FAT1: variants seen among roughly 807,000 people sequenced by gnomAD.
The protein encoded by FAT1 is protocadherin Fat 1.
FAT1 carries 171 observed loss-of-function variants against 329.8 expected under a neutral mutation model. That is an observed-to-expected ratio of 0.52 (90% CI 0.46 to 0.59). The LOEUF (loss-of-function observed/expected upper bound fraction) is 0.59, where lower values mean the gene tolerates loss of function less well. Among genes scored for constraint, FAT1 ranks in the 20% least tolerant of loss-of-function variants. The probability of loss-of-function intolerance (pLI) is 0.00; values close to 1 mark genes in which losing one functional copy is unlikely to be tolerated. For missense variants in FAT1, 5,672 were observed against 5,774.4 expected (o/e 0.98, Z 0.57); for synonymous variants, 2,233 against 2,228.6 (o/e 1.00, Z -0.06).
At chr4:186,642,776 G>A (rs1361042680) in intron 3 of FAT1, among the ~76,000 whole-genome samples, 1 of 152,210 alleles carries the variant, frequency 6.6e-6, no homozygotes, top group African/African-American at 2.4e-5. Context: ...CACACCCACA[G>A]AAGTGAGCAT....
At position 186,618,777 on chromosome 4, in the gene FAT1, C is replaced by G. The variant is rs2126498820; in HGVS notation, c.7809G>C (p.Val2603=). 1.2e-6 allele frequency: 2 copies of G among 1,613,994 alleles called. No homozygotes were observed. Among genetic ancestry groups the G allele is most frequent in the Non-Finnish European group, 1.7e-6 (2 of 1,179,882 alleles). The change falls in exon 10 of 27, where the codon GTG becomes GTC. Residue 2603 remains valine, a synonymous_variant. Transcript: ENST00000441802. ...CTTTAGCAGCACTGGACCCGATATT[C>G]ACTTCGTATTTGGTTGCTCGAAATT... is the stretch of plus-strand genomic sequence containing the variant. The part of the protein sequence containing the change: ...APQFRATKYE[V]NIGSSAAKGT...
At position 186,701,801 on chromosome 4, in the gene FAT1, T is replaced by C. The variant is rs141878058; in HGVS notation, c.3265+4762A>G. 9.7e-3 allele frequency among the ~76,000 whole-genome samples: 1,473 copies of C among 152,368 alleles called. 29 individuals carry two copies. The highest frequency in any genetic ancestry group is 0.045 in the Admixed American group (689 of 15,298). On this transcript the variant is annotated intron_variant, in intron 2 of 26. Transcript: ENST00000441802. ...CTAACTTGAATGAATAATAAATAGC[T>C]GAAACATTCAGAGTTCTGCAGAACC...
At chr4:186,658,603 C>T (rs1742024162) in intron 3 of FAT1, among the ~76,000 whole-genome samples, 1 of 152,120 alleles carries the variant, frequency 6.6e-6, no homozygotes, top group African/African-American at 2.4e-5. Flanking sequence ...TCTCTTTAAC[C>T]CTTATTCTGG....
chr4:186,641,733 A>G (rs10007521), intron 3 of FAT1, among the ~76,000 whole-genome samples: 82,124 of 152,088 alleles, frequency 0.54, 22,327 homozygotes, highest in East Asian at 0.64. Flanking sequence ...AAGGCTGGGC[A>G]TGGTGGCTCA....
rs2126507837 is a variant in FAT1 at position 186,619,660 on chromosome 4, T to G, written c.6926A>C (p.Asp2309Ala). The G allele has an allele frequency of 1.2e-6, 2 of 1,613,996 alleles. No individual in the cohort carries two copies. Among genetic ancestry groups the G allele is most frequent in the Non-Finnish European group, 1.7e-6 (2 of 1,179,896 alleles). ...GTSVVQVRAT[D>A]SDSEPNRGIS... ...TCCTCTATTTGGTTCTGAATCAGAA[T>G]CGGTGGCTCTAACTTGAACAACAGA... Residue 2309 changes from aspartate to alanine, a missense_variant, in exon 10 of 27, where the codon GAT becomes GCT. Around this residue, in one of 2 missense-constraint regions of FAT1, gnomAD observed 3,966 missense variants for 3,915.2 expected, o/e 1.01. Transcript: ENST00000441802.
intron 3 of FAT1, among the ~76,000 whole-genome samples, chr4:186,644,278 C>A (rs1741250650): frequency 6.6e-6 from 1 of 152,042 alleles, no homozygotes; most frequent in South Asian, 2.1e-4. Flanking sequence ...TTAATAGATC[C>A]AAAAAAGCAA....
intron 3 of FAT1, among the ~76,000 whole-genome samples, chr4:186,645,422 T>TATATCTAA (rs1420963668): frequency 1.7e-5 from 1 of 58,000 alleles, no homozygotes; most frequent in African/African-American, 7.4e-5. Context: ...TATATATATA[T>TATATCTAA]GCCTGTAAAA....
intron 2 of FAT1, among the ~76,000 whole-genome samples, chr4:186,678,524 C>G (rs1743052766): frequency 6.7e-6 from 1 of 148,320 alleles, no homozygotes; most frequent in Non-Finnish European, 1.5e-5. Flanking sequence ...TCTATTATCA[C>G]TTTATTTTAT....
chr4:186,596,932 C>T lies in FAT1; in HGVS notation c.12608G>A (p.Arg4203His), dbSNP rs200185840. The stretch of plus-strand genomic sequence containing the variant: ...CTTCTTTTTCCGACTAATCATCTTA[C>T]GGCAGAGAACAAACACCACCACCAG... Reference protein sequence around the residue: ...FLLVVVFVLCRKMISRKKKHQ... With the variant: ...FLLVVVFVLCHKMISRKKKHQ... The change falls in exon 25 of 27, where the codon CGT becomes CAT. Residue 4203 changes from arginine (R) to histidine (H), a missense_variant. Physicochemically the swap from Arg to His is conservative, Grantham distance 29. Transcript: ENST00000441802. The surrounding 1 kb of genome is among the most constrained non-coding windows in gnomAD (Gnocchi z 4.7). The T allele has an allele frequency of 8.1e-6, 13 of 1,613,850 alleles. No individual in the cohort carries two copies. The highest frequency in any genetic ancestry group is 1.1e-5 in the Non-Finnish European group (13 of 1,179,908).
intron 26 of FAT1, among the ~76,000 whole-genome samples, chr4:186,595,193 T>C (rs1738439981): frequency 6.6e-6 from 1 of 152,098 alleles, no homozygotes; most frequent in Non-Finnish European, 1.5e-5. Flanking sequence ...AAATGGGAGC[T>C]GGGGCCGCAG....
intron 7 of FAT1, among the ~76,000 whole-genome samples, chr4:186,630,738 C>G (rs536675395): frequency 6.6e-6 from 1 of 152,250 alleles, no homozygotes; most frequent in African/African-American, 2.4e-5. Context: ...TAGATGAGAA[C>G]ATGGACACAC....
chr4:186,604,958 C>T (rs1175478950), intron 17 of FAT1, among the ~76,000 whole-genome samples: 4 of 151,874 alleles, frequency 2.6e-5, no homozygotes, highest in African/African-American at 9.7e-5. Flanking sequence ...GTGGCTCACG[C>T]CTGTCATCCC....
At chr4:186,647,182 C>T (rs1741423249) in intron 3 of FAT1, among the ~76,000 whole-genome samples, 1 of 152,166 alleles carries the variant, frequency 6.6e-6, no homozygotes, top group Non-Finnish European at 1.5e-5. Context: ...ACAACTACCA[C>T]ATGTAAAAGG....
At chr4:186,608,066 T>C (rs920916613) in intron 16 of FAT1, among the ~76,000 whole-genome samples, 1 of 152,180 alleles carries the variant, frequency 6.6e-6, no homozygotes, top group Non-Finnish European at 1.5e-5. Context: ...TTATACCTCA[T>C]AACTTTTCTT....
rs763304430 is a variant in FAT1, at chr4:186,636,011, G to C, written c.4183+14C>G. 1.1e-5 allele frequency: 17 copies of C among 1,612,638 alleles called. No individual in the cohort carries two copies. The highest frequency in any genetic ancestry group is 1.4e-5 in the Non-Finnish European group (17 of 1,178,972). ...TAACCCATACGGACAACGAAAATGA[G>C]GGGGAATGCTTACCAGTGATGTCAA... is the stretch of plus-strand genomic sequence containing the variant. On this transcript the variant is annotated intron_variant, in intron 6 of 26. Transcript: ENST00000441802.
intron 3 of FAT1, among the ~76,000 whole-genome samples, chr4:186,643,135 C>T (rs867205538): frequency 1.6e-4 from 25 of 152,300 alleles, no homozygotes; most frequent in Middle Eastern, 3.4e-3. Context: ...ACTTCAGTTT[C>T]TCAATCACAC....
chr4:186,609,845 T>C lies in FAT1; in HGVS notation c.10024A>G (p.Thr3342Ala), dbSNP rs370446765. 3.7e-6 allele frequency: 6 copies of C among 1,613,774 alleles called. No individual in the cohort carries two copies. The African/African-American group carries it at 4.0e-5, about 11-fold the overall frequency. Reference sequence around the variant, plus strand: ...AGAACGGCATCTTCACTGATGACTGTCGTGTAGGTGTCTTGGCTGAACACA... The same window carrying C: ...AGAACGGCATCTTCACTGATGACTGCCGTGTAGGTGTCTTGGCTGAACACA... ...TPVFSQDTYT[T>A]VISEDAVLEQ... is the part of the protein sequence containing the mutation. The change falls in exon 15 of 27, where the codon ACA becomes GCA. Residue 3342 changes from threonine (T) to alanine (A), a missense_variant. Physicochemically the swap from Thr to Ala is moderately conservative, Grantham distance 58. This residue lies in a region of FAT1 where 1,706 missense variants were observed against 1,859.1 expected (regional missense o/e 0.92). Coordinates refer to ENST00000441802, the MANE Select transcript of FAT1 (RefSeq NM_005245.4).
At chr4:186,694,132 C>T (rs2126664519) in intron 2 of FAT1, among the ~76,000 whole-genome samples, 1 of 152,262 alleles carries the variant, frequency 6.6e-6, no homozygotes, top group African/African-American at 2.4e-5. Flanking sequence ...CCAGACTCAA[C>T]CTGCCTCTCA....
At chr4:186,674,214 G>A (rs1416028706) in intron 2 of FAT1, among the ~76,000 whole-genome samples, 2 of 152,136 alleles carry the variant, frequency 1.3e-5, no homozygotes, top group African/African-American at 2.4e-5. Context: ...AGAAGCAGAG[G>A]CTTAAGGCTC....
Sources: allele counts gnomAD v4.1 joint callset (sites outside exome capture counted in the v4.1 genomes callset), GRCh38; gene constraint gnomAD v4.1.1; regional missense constraint gnomAD v4.1.1; non-coding constraint Gnocchi (gnomAD v3.1); transcripts MANE v1.5; gene names NCBI Gene and HGNC (gene_info 2026-07-23, HGNC 2026-07-21).